The following ZNF407 variants were observed in gnomAD, a reference collection of about 807,000 sequenced individuals.
ZNF407 encodes the protein zinc finger protein 407.
A neutral mutation model predicts 131.2 loss-of-function variants in ZNF407; 17 were observed. That is an observed-to-expected ratio of 0.13 (90% CI 0.09 to 0.19). The LOEUF (loss-of-function observed/expected upper bound fraction) is 0.19. Ranked by LOEUF, ZNF407 falls within the 10% of genes least tolerant of loss-of-function variation. The pLI is 1.00. For synonymous variants in ZNF407, 1,156 were observed against 1,062.0 expected (o/e 1.09, Z -1.72); for missense variants, 2,681 against 2,830.6 (o/e 0.95, Z 1.20).
intron 4 of ZNF407, among the ~76,000 whole-genome samples, chr18:74,825,163 C>G (rs1360595811): frequency 2.0e-5 from 3 of 152,176 alleles, no homozygotes; most frequent in African/African-American, 4.8e-5. Context: ...ATGCAGCACC[C>G]TTTCATGCTA....
rs370850129 is a variant in ZNF407, at chr18:74,634,344, C to G, written c.3325C>G (p.Gln1109Glu). The change falls in exon 2 of 9, where the codon CAA (glutamine) becomes GAA (glutamate). Residue 1109 changes from glutamine (Q) to glutamate (E), a missense_variant. By Grantham distance (29) the Gln-to-Glu change is conservative. Coordinates refer to ENST00000299687, the MANE Select transcript of ZNF407 (RefSeq NM_017757.3). ...EEHQQNSEEF[Q>E]IISGQPSDTL... ...GCATCAACAAAATTCTGAGGAATTT[C>G]AAATAATTTCAGGTCAACCATCTGA... 3 of 1,613,888 alleles carry G rather than the reference C, an allele frequency of 1.9e-6. No individual in the cohort carries two copies. The highest frequency in any genetic ancestry group is 8.5e-7 in the Non-Finnish European group (1 of 1,179,856).
chr18:74,916,224 A>G (rs1971758662), intron 7 of ZNF407, among the ~76,000 whole-genome samples: 3 of 97,104 alleles, frequency 3.1e-5, no homozygotes, highest in East Asian at 7.1e-4. Flanking sequence ...GTGTGTGTAC[A>G]TGTGTGTGCT....
intron 8 of ZNF407, among the ~76,000 whole-genome samples, chr18:74,953,665 A>G (rs1337981560): frequency 6.6e-6 from 1 of 152,184 alleles, no homozygotes; most frequent in Non-Finnish European, 1.5e-5. Flanking sequence ...CCTAAATTGT[A>G]CTTAATTGAA....
At chr18:74,905,430 C>G (rs577473556) in intron 7 of ZNF407, 1 of 152,254 alleles carries the variant, frequency 6.6e-6, no homozygotes, top group Admixed American at 6.5e-5. Flanking sequence ...CAGAGGCACA[C>G]GAGAGCCGGT....
intron 3 of ZNF407, among the ~76,000 whole-genome samples, chr18:74,757,455 C>A (rs1317945396): frequency 6.6e-6 from 1 of 151,966 alleles, no homozygotes; most frequent in African/African-American, 2.4e-5. Flanking sequence ...GTTAATCTCC[C>A]AAATTTCCTT....
intron 7 of ZNF407, among the ~76,000 whole-genome samples, chr18:74,896,656 T>G (rs868075778): frequency 1.3e-5 from 2 of 152,192 alleles, no homozygotes; most frequent in African/African-American, 4.8e-5. Flanking sequence ...AAAGATTGCT[T>G]TGAAAGGTTC....
chr18:75,020,110 C>T (rs1198747514), intron 8 of ZNF407, among the ~76,000 whole-genome samples: 1 of 151,996 alleles, frequency 6.6e-6, no homozygotes, highest in East Asian at 1.9e-4. Flanking sequence ...CGTAATAGCC[C>T]CAAAGTGCAA....
At chr18:74,755,581 G>GATTTT (rs1568199573) in intron 3 of ZNF407, among the ~76,000 whole-genome samples, 1 of 31,038 alleles carries the variant, frequency 3.2e-5, no homozygotes, top group African/African-American at 6.5e-5. Flanking sequence ...CCTCCTTTCT[G>GATTTT]GTTTTTTTTT....
At chr18:74,826,846 A>T (rs954929043) in intron 4 of ZNF407, among the ~76,000 whole-genome samples, 1 of 152,220 alleles carries the variant, frequency 6.6e-6, no homozygotes, top group African/African-American at 2.4e-5. Flanking sequence ...GTGCTGTGGA[A>T]CAGGGCAGAC....
chr18:74,838,204 C>G (rs1239187202), intron 4 of ZNF407, among the ~76,000 whole-genome samples: 1 of 152,098 alleles, frequency 6.6e-6, no homozygotes, highest in African/African-American at 2.4e-5. Flanking sequence ...TATGCTTTTC[C>G]ATCTGCCGTC....
intron 5 of ZNF407, 114 bp from the exon 6 acceptor site, chr18:74,880,922 C>A: frequency 2.3e-6 from 2 of 878,280 alleles, no homozygotes; most frequent in Non-Finnish European, 1.8e-6. Context: ...TCCCATTTGA[C>A]ATATTTACAT....
chr18:74,822,689 C>T (rs1970357338), intron 4 of ZNF407, among the ~76,000 whole-genome samples: 1 of 152,264 alleles, frequency 6.6e-6, no homozygotes, highest in African/African-American at 2.4e-5. Flanking sequence ...AATTTGAAGT[C>T]AGGTAGCATG....
At chr18:74,780,211 T>A (rs1251355060) in intron 3 of ZNF407, among the ~76,000 whole-genome samples, 2 of 152,176 alleles carry the variant, frequency 1.3e-5, no homozygotes, top group African/African-American at 4.8e-5. Flanking sequence ...AATAAAGAAG[T>A]CATGGTCATT....
intron 3 of ZNF407, among the ~76,000 whole-genome samples, chr18:74,666,549 TG>T (rs1985937899): frequency 6.6e-6 from 1 of 152,082 alleles, no homozygotes; most frequent in Admixed American, 6.6e-5. Flanking sequence ...CTCCTTTGGA[TG>T]GAACTATCCT....
intron 4 of ZNF407, among the ~76,000 whole-genome samples, chr18:74,857,285 C>A (rs1319243937): frequency 1.3e-5 from 2 of 152,136 alleles, no homozygotes; most frequent in African/African-American, 4.8e-5. Flanking sequence ...AATTTGTTTT[C>A]TTCTGCTAAT....
intron 4 of ZNF407, among the ~76,000 whole-genome samples, chr18:74,809,760 G>A (rs999478767): frequency 5.9e-5 from 9 of 152,196 alleles, no homozygotes; most frequent in African/African-American, 2.2e-4. Context: ...AAGTCTCCAT[G>A]TACCATTAGA....
At chr18:74,828,565 A>C (rs1017037597) in intron 4 of ZNF407, among the ~76,000 whole-genome samples, 3 of 152,212 alleles carry the variant, frequency 2.0e-5, no homozygotes, top group Non-Finnish European at 4.4e-5. Flanking sequence ...AATAATGATG[A>C]ATGTCTACCA....
intron 4 of ZNF407, among the ~76,000 whole-genome samples, chr18:74,851,296 AT>A (rs532302573): frequency 3.8e-4 from 58 of 152,326 alleles, no homozygotes; most frequent in African/African-American, 1.4e-3. Context: ...GTGCATACTT[AT>A]GTGAGCCACA....
chr18:74,890,396 C>T (rs564909918), intron 7 of ZNF407, among the ~76,000 whole-genome samples: 13 of 152,078 alleles, frequency 8.5e-5, no homozygotes, highest in African/African-American at 1.4e-4. Flanking sequence ...TCGCTGTGGA[C>T]GGTGAACATT....
Sources: allele counts gnomAD v4.1 joint callset (sites outside exome capture counted in the v4.1 genomes callset), GRCh38; gene constraint gnomAD v4.1.1; transcripts MANE v1.5; gene names NCBI Gene and HGNC (gene_info 2026-07-23, HGNC 2026-07-21).